MTA3: variants seen among roughly 807,000 people sequenced by gnomAD.
MTA3 encodes metastasis-associated protein MTA3.
MTA3 carries 34 observed loss-of-function variants against 83.5 expected under a neutral mutation model. That is an observed-to-expected ratio of 0.41 (90% confidence interval 0.31 to 0.54). The LOEUF (loss-of-function observed/expected upper bound fraction) is 0.54. Ranked by LOEUF, MTA3 falls within the 20% of genes least tolerant of loss-of-function variation. The pLI is 0.33. For missense variants in MTA3, 761 were observed against 726.4 expected (o/e 1.05, Z -0.55); for synonymous variants, 303 against 252.7 (o/e 1.20, Z -1.89).
chr2:42,575,053 G>T (rs1259694350), intron 2 of MTA3, among the ~76,000 whole-genome samples: 1 of 152,128 alleles, frequency 6.6e-6, no homozygotes, highest in Non-Finnish European at 1.5e-5. Context: ...TAGAAATCTT[G>T]ACCTATGAGA....
chr2:42,640,787 T>C (rs1687626269), intron 5 of MTA3, among the ~76,000 whole-genome samples: 1 of 152,222 alleles, frequency 6.6e-6, no homozygotes. Context: ...ATGCATAGTT[T>C]TAGGTGACAT....
At chr2:42,544,244 G>C (rs1009206745) in intron 2 of MTA3, among the ~76,000 whole-genome samples, 2 of 152,030 alleles carry the variant, frequency 1.3e-5, no homozygotes, top group African/African-American at 4.8e-5. Context: ...TCAGGAGTTT[G>C]AGACCAGCCT....
Position 42,753,694 on chromosome 2 carries a change from T to G in MTA3, c.*295T>G, listed in dbSNP as rs1274449758. On this transcript the variant is annotated 3_prime_UTR_variant, in exon 17 of 17. Coordinates refer to ENST00000405094, the MANE Select transcript of MTA3 (RefSeq NM_001330442.2). The stretch of plus-strand genomic sequence containing the variant: ...GGGAACCCCTCCACCTCCTCCCTTC[T>G]GCAGCGCCCTGCGCCCCACCCAGCA... 3 of 1,244,102 alleles carry G rather than the reference T, an allele frequency of 2.4e-6. No individual in the cohort carries two copies. The highest frequency in any genetic ancestry group is 1.5e-5 in the African/African-American group (1 of 64,778). 77.1% of individuals were successfully genotyped at this position (1,244,102 alleles called of 1,614,324 possible). A position where few individuals can be genotyped will look rare whatever the true frequency, so the allele number is the denominator to read the frequency against.
chr2:42,746,617 G>C (rs1348079679), intron 16 of MTA3, among the ~76,000 whole-genome samples: 1 of 152,178 alleles, frequency 6.6e-6, no homozygotes, highest in Non-Finnish European at 1.5e-5. Flanking sequence ...ATTCTGACCT[G>C]CTGGCTATAA....
At chr2:42,519,138 T>C (rs1675294555) in intron 2 of MTA3, among the ~76,000 whole-genome samples, 1 of 152,020 alleles carries the variant, frequency 6.6e-6, no homozygotes, top group Non-Finnish European at 1.5e-5. Flanking sequence ...GTCATGTTGA[T>C]CACATGTACC....
rs1362657510 is a variant in MTA3 at position 42,548,802 on chromosome 2, C to CA, written c.-140-21626dup. Among the ~76,000 whole-genome samples the CA allele has an allele frequency of 4.1e-3, 174 of 42,944 alleles. 18 individuals carry two copies. Among genetic ancestry groups the CA allele is most frequent in the African/African-American group, 0.021 (143 of 6,758 alleles). The allele number at this position is 42,944 out of a possible 152,430, so 28.2% of individuals were successfully genotyped here. A position where few individuals can be genotyped will look rare whatever the true frequency, so the allele number is the denominator to read the frequency against. ...TGGGTGACAGAGTGAGACCCTGTCTCAAAAAAAAATATATATATATATATA... is the reference window on the plus strand; with the variant it reads ...TGGGTGACAGAGTGAGACCCTGTCTCAAAAAAAAAATATATATATATATATA... On this transcript the variant is annotated intron_variant, in intron 2 of 17. Transcript: ENST00000405592.
At chr2:42,660,959 A>G (rs994688624) in intron 8 of MTA3, among the ~76,000 whole-genome samples, 1 of 152,178 alleles carries the variant, frequency 6.6e-6, no homozygotes, top group Non-Finnish European at 1.5e-5. Flanking sequence ...TGCTGGGATT[A>G]CTGTTGTGAG....
chr2:42,530,935 T>C (rs750841631), intron 2 of MTA3, among the ~76,000 whole-genome samples: 6 of 152,086 alleles, frequency 3.9e-5, no homozygotes, highest in Non-Finnish European at 8.8e-5. Context: ...GTTTAAGCAA[T>C]TCTCCTGCCT....
intron 2 of MTA3, among the ~76,000 whole-genome samples, chr2:42,526,457 C>T (rs2103708435): frequency 6.6e-6 from 1 of 152,268 alleles, no homozygotes; most frequent in Middle Eastern, 3.4e-3. Context: ...TCAGTACATT[C>T]CTTGGAATGT....
In MTA3 at chr2:42,744,589, G is replaced by A. The variant is rs567459464; in HGVS notation, c.1760-8785G>A. Among the ~76,000 whole-genome samples, 5 of 152,192 alleles carry A rather than the reference G, an allele frequency of 3.3e-5. No individual in the cohort carries two copies. The South Asian group carries it at 1.0e-3, about 32-fold the overall frequency. On this transcript the variant is annotated intron_variant, in intron 16 of 16. Transcript: ENST00000405094. ...TAGAAGGTGACCTCTGAGAAGGAAA[G>A]TGTAGCTCTGACTTGAGAGCTAGGT...
At chr2:42,511,001 C>G (rs1251617520) in intron 2 of MTA3, among the ~76,000 whole-genome samples, 1 of 152,192 alleles carries the variant, frequency 6.6e-6, no homozygotes, top group African/African-American at 2.4e-5. Flanking sequence ...TAGGAGTTAG[C>G]TTTCAAAAAC....
chr2:42,520,108 T>G (rs1278599188), intron 2 of MTA3, among the ~76,000 whole-genome samples: 1 of 152,186 alleles, frequency 6.6e-6, no homozygotes, highest in African/African-American at 2.4e-5. Context: ...AGCAGGGTCA[T>G]GACAAGTCTT....
chr2:42,526,527 A>C (rs1675717020), intron 2 of MTA3, among the ~76,000 whole-genome samples: 1 of 152,180 alleles, frequency 6.6e-6, no homozygotes, highest in African/African-American at 2.4e-5. Context: ...TCGGATGTCA[A>C]CATCCACCGT....
intron 2 of MTA3, among the ~76,000 whole-genome samples, chr2:42,557,539 C>T (rs1044579018): frequency 1.3e-5 from 2 of 152,256 alleles, no homozygotes; most frequent in African/African-American, 4.8e-5. Flanking sequence ...TGCAATTAAA[C>T]GTGAAACATT....
At chr2:42,600,040 C>T (rs1682364382) in intron 3 of MTA3, among the ~76,000 whole-genome samples, 2 of 151,432 alleles carry the variant, frequency 1.3e-5, no homozygotes, top group African/African-American at 4.9e-5. Flanking sequence ...ACTAAAAATA[C>T]AAAAAAAATT....
chr2:42,530,949 C>T (rs1675936516), intron 2 of MTA3, among the ~76,000 whole-genome samples: 1 of 152,120 alleles, frequency 6.6e-6, no homozygotes, highest in Non-Finnish European at 1.5e-5. Flanking sequence ...CCTGCCTCAG[C>T]TCCCCGAGTA....
intron 4 of MTA3, among the ~76,000 whole-genome samples, chr2:42,622,160 C>G (rs189337166): frequency 5.3e-5 from 8 of 152,146 alleles, no homozygotes; most frequent in African/African-American, 1.7e-4. Flanking sequence ...CCCGGCACCT[C>G]GGGAGGCCGA....
In MTA3 at chr2:42,635,959, T is replaced by C. The variant is rs933952991; in HGVS notation, c.318-4214T>C. On this transcript the variant is annotated intron_variant, in intron 4 of 16. Transcript: ENST00000405094. ...TTTTTATATTTTAGTAGAGATGGAG[T>C]TTCACCATGTTGCCCAGGCTGGTCT... Among the ~76,000 whole-genome samples the C allele has an allele frequency of 5.9e-5, 9 of 152,078 alleles. No individual in the cohort carries two copies. The South Asian group carries it at 1.9e-3, about 32-fold the overall frequency.
intron 14 of MTA3, among the ~76,000 whole-genome samples, chr2:42,715,509 A>G (rs1244244082): frequency 6.8e-6 from 1 of 146,724 alleles, no homozygotes; most frequent in Non-Finnish European, 1.5e-5. Flanking sequence ...AACTCAAGGG[A>G]TCCTCCCTCC....
Sources: gnomAD v4.1 joint callset for allele counts (sites outside exome capture counted in the v4.1 genomes callset) on GRCh38, gnomAD v4.1.1 for gene constraint, MANE v1.5 for transcripts, NCBI Gene and HGNC (gene_info 2026-07-23, HGNC 2026-07-21) for gene names.